The following WDR76 variants were observed in gnomAD, a reference collection of about 807,000 sequenced individuals.
WDR76 encodes the protein WD repeat-containing protein 76.
In WDR76, 52 loss-of-function variants were observed where a neutral mutation model predicts 70.2. The observed-to-expected ratio is 0.74, with a 90% CI of 0.59 to 0.93. The LOEUF (loss-of-function observed/expected upper bound fraction) is 0.93. WDR76 is among the 40% of genes least tolerant of loss of function. The pLI is 0.00. For synonymous variants in WDR76, 292 were observed against 271.1 expected, an observed-to-expected ratio of 1.08 and a Z score of -0.76; for missense variants, 756 against 760.2, an observed-to-expected ratio of 0.99 and a Z score of 0.07.
rs958133349 is a variant in WDR76 at position 43,857,086 on chromosome 15, C to G, written c.1332C>G (p.Thr444=). 1.2e-6 allele frequency: 2 copies of G among 1,614,038 alleles called. No homozygotes were observed. The highest frequency in any genetic ancestry group is 2.7e-5 in the African/African-American group (2 of 75,014). The change falls in exon 10 of 13, where the codon ACC becomes ACG. Residue 444 remains threonine (T), a synonymous_variant. Coordinates refer to ENST00000263795, the MANE Select transcript of WDR76 (RefSeq NM_024908.4). ...CTGGAACTTCTTATGAGAAACTTAC[C>G]AGTTCTTCTATGGGAAAAATAAGAA... The part of the protein sequence containing the change: ...RTPGTSYEKL[T]SSSMGKIRTV...
At position 43,867,481 on chromosome 15, in the gene WDR76, G is replaced by C. The variant is rs911907823; in HGVS notation, c.*1089G>C. 1 of 151,900 alleles carries C rather than the reference G, an allele frequency of 6.6e-6. No individual in the cohort carries two copies. The highest frequency in any genetic ancestry group is 2.4e-5 in the African/African-American group (1 of 41,314). The allele number at this position is 151,900 out of a possible 1,614,324, so 9.4% of individuals were successfully genotyped here. Reference sequence around the variant, plus strand: ...AAGAACAGAAAATATATTTGAGTAAGTATTGTTTGGTAAAACTTAGTTACA... The same window carrying C: ...AAGAACAGAAAATATATTTGAGTAACTATTGTTTGGTAAAACTTAGTTACA... On this transcript the variant is annotated 3_prime_UTR_variant, in exon 13 of 13. Transcript: ENST00000263795.
At chr15:43,830,217 T>A (rs2087569772) in intron 2 of WDR76, among the ~76,000 whole-genome samples, 1 of 152,068 alleles carries the variant, frequency 6.6e-6, no homozygotes, top group Non-Finnish European at 1.5e-5. Context: ...AGTCCAGGAC[T>A]GCACTTTGAT....
rs978174771 is a variant in WDR76 at position 43,839,853 on chromosome 15, G to T, written c.732+125G>T. ...TATATTTCATTAATACTTGAATGTT[G>T]TATGGTTTTGTTTTGTTTTTTTGAG... On this transcript the variant is annotated intron_variant, in intron 5 of 12. Transcript: ENST00000263795. 47 of 1,208,256 alleles carry T rather than the reference G, an allele frequency of 3.9e-5. No homozygotes were observed. In the East Asian group the frequency reaches 9.7e-4, roughly 25 times the overall value. 74.8% of individuals were successfully genotyped at this position (1,208,256 alleles called of 1,614,324 possible).
intron 1 of WDR76, 138 bp from the exon 2 acceptor site, chr15:43,827,827 G>T: frequency 2.1e-6 from 2 of 937,874 alleles, no homozygotes; most frequent in South Asian, 3.7e-5. Flanking sequence ...TTACAGGCGT[G>T]AGCCACTGCA....
intron 4 of WDR76, among the ~76,000 whole-genome samples, chr15:43,838,072 A>C (rs2087680053): frequency 1.3e-5 from 2 of 151,896 alleles, no homozygotes; most frequent in East Asian, 3.9e-4. Context: ...ACGGGGTTTC[A>C]CCGTGTTAGC....
At chr15:43,841,243 C>T (rs1369617409) in intron 5 of WDR76, among the ~76,000 whole-genome samples, 1 of 142,914 alleles carries the variant, frequency 7.0e-6, no homozygotes, top group East Asian at 2.0e-4. Context: ...CAATCTGTTG[C>T]CCAGGCTGGA....
At chr15:43,849,445 T>C (rs958701193) in intron 8 of WDR76, among the ~76,000 whole-genome samples, 2 of 152,202 alleles carry the variant, frequency 1.3e-5, no homozygotes, top group African/African-American at 4.8e-5. Flanking sequence ...AAAAGGACCA[T>C]GCTGTATATG....
chr15:43,854,759 G>A (rs2087908104), intron 9 of WDR76, among the ~76,000 whole-genome samples: 1 of 152,028 alleles, frequency 6.6e-6, no homozygotes, highest in Non-Finnish European at 1.5e-5. Flanking sequence ...GACCAGCCTG[G>A]CCAACATGGT....
At chr15:43,860,360 T>G (rs554751822) in intron 11 of WDR76, among the ~76,000 whole-genome samples, 40 of 152,366 alleles carry the variant, frequency 2.6e-4, no homozygotes, top group Non-Finnish European at 4.9e-4. Context: ...TACACAGATG[T>G]ACTTTTAGGT....
intron 4 of WDR76, among the ~76,000 whole-genome samples, chr15:43,838,746 T>TAA (rs1299455786): frequency 6.6e-6 from 1 of 152,196 alleles, no homozygotes; most frequent in Admixed American, 6.6e-5. Context: ...ATTGAGTTGT[T>TAA]ATTTTTATTA....
At position 43,861,306 on chromosome 15, in the gene WDR76, G is replaced by C. The variant is rs764621640; in HGVS notation, c.1563-27G>C. ...TTCAGAAAGTTTTTAAGTAACAAAA[G>C]AATGTCTTACTCTCTTTATTTTGCA... is the stretch of plus-strand genomic sequence containing the variant. On this transcript the variant is annotated intron_variant, in intron 11 of 12. Transcript: ENST00000263795. 8.8e-6 allele frequency: 14 copies of C among 1,599,262 alleles called. No homozygotes were observed. The Admixed American group carries it at 1.0e-4, about 11-fold the overall frequency.
At chr15:43,851,855 A>C (rs2087863890) in intron 9 of WDR76, among the ~76,000 whole-genome samples, 1 of 152,156 alleles carries the variant, frequency 6.6e-6, no homozygotes, top group Admixed American at 6.5e-5. Context: ...GAATCACTTG[A>C]GCCCAGGAGT....
intron 2 of WDR76, 75 bp downstream of exon 2, chr15:43,828,441 G>A (rs1397828711): frequency 7.9e-6 from 11 of 1,397,104 alleles, no homozygotes; most frequent in South Asian, 1.4e-5. Flanking sequence ...GAAGTTTTTC[G>A]AGGATCTCTC....
intron 4 of WDR76, among the ~76,000 whole-genome samples, chr15:43,838,109 G>A (rs1320498546): frequency 1.3e-5 from 2 of 152,040 alleles, no homozygotes; most frequent in East Asian, 3.9e-4. Context: ...TCCTGACCTC[G>A]TGATCCGCCT....
At chr15:43,858,885 T>G in intron 11 of WDR76, 62 bp downstream of exon 11, 1 of 1,560,638 alleles carries the variant, frequency 6.4e-7, no homozygotes, top group Non-Finnish European at 8.7e-7. Context: ...ACTGTGTCAG[T>G]AAACCAAAAG....
chr15:43,860,910 C>CTTTTTTT (rs34504509), intron 11 of WDR76, among the ~76,000 whole-genome samples: 8 of 78,996 alleles, frequency 1.0e-4, no homozygotes, highest in African/African-American at 2.9e-4. Context: ...TGATCTTACT[C>CTTTTTTT]TTTTTTTTTT....
chr15:43,827,114 C>G, intron 1 of WDR76, 22 bp downstream of exon 1: 1 of 1,597,236 alleles, frequency 6.3e-7, no homozygotes, highest in Non-Finnish European at 8.5e-7. Flanking sequence ...ACTGGTGCTT[C>G]CAAGGTGTGC....
At chr15:43,853,435 C>G (rs912628513) in intron 9 of WDR76, among the ~76,000 whole-genome samples, 6 of 152,052 alleles carry the variant, frequency 3.9e-5, no homozygotes, top group Non-Finnish European at 5.9e-5. Flanking sequence ...AAGTGATCTG[C>G]CCACCTTGGC....
At position 43,857,073 on chromosome 15, in the gene WDR76, A is replaced by G. The variant is rs778746129; in HGVS notation, c.1319A>G (p.Tyr440Cys). 2 of 1,614,122 alleles carry G rather than the reference A, an allele frequency of 1.2e-6. No homozygotes were observed. The highest frequency in any genetic ancestry group is 1.7e-5 in the Admixed American group (1 of 60,014). ...GATAGACGGACACCTGGAACTTCTT[A>G]TGAGAAACTTACCAGTTCTTCTATG... The part of the protein sequence containing the change: ...LVDRRTPGTS[Y>C]EKLTSSSMGK... The change falls in exon 10 of 13, where the codon TAT (tyrosine) becomes TGT (cysteine). Residue 440 changes from tyrosine to cysteine, a missense_variant. Physicochemically the swap from Tyr to Cys is radical, Grantham distance 194 (BLOSUM62 -2). Transcript: ENST00000263795.
Sources: gnomAD v4.1 joint callset for allele counts (sites outside exome capture counted in the v4.1 genomes callset) on GRCh38, gnomAD v4.1.1 for gene constraint, MANE v1.5 for transcripts, NCBI Gene and HGNC (gene_info 2026-07-23, HGNC 2026-07-21) for gene names.